PAFAH1B2: variants seen among roughly 807,000 people sequenced by gnomAD.
PAFAH1B2 encodes the protein platelet activating factor acetylhydrolase 1b catalytic subunit 2, also known as platelet-activating factor acetylhydrolase IB subunit alpha2.
PAFAH1B2 carries 8 observed loss-of-function variants against 28.0 expected under a neutral mutation model. The ratio of observed to expected loss-of-function variants is 0.29; its 90% CI spans 0.17 to 0.52. PAFAH1B2 has a LOEUF of 0.52. PAFAH1B2 is among the 20% of genes least tolerant of loss of function. The probability of loss-of-function intolerance (pLI) is 0.97; values close to 1 mark genes in which losing one functional copy is unlikely to be tolerated. For synonymous variants in PAFAH1B2, 104 were observed against 103.2 expected (o/e 1.01, Z -0.05); for missense variants, 190 against 282.6 (o/e 0.67, Z 2.35).
intron 1 of PAFAH1B2, among the ~76,000 whole-genome samples, chr11:117,145,371 A>G (rs1955976071): frequency 1.3e-5 from 2 of 152,154 alleles, no homozygotes; most frequent in East Asian, 1.9e-4. Context: ...GCTTACCCGT[A>G]GAGAAAGGAA....
chr11:117,160,003 C>T lies in PAFAH1B2; in HGVS notation c.151C>T (p.Gln51Ter). The change falls in exon 3 of 6, where the codon CAG becomes TAG. Residue 51 changes from glutamine to a stop codon, truncating the protein, a stop_gained. Transcript: ENST00000527958. LOFTEE classifies it high-confidence loss of function. ...ACTGTTCGTGGGAGACTCCATGGTG[C>T]AGTTAATGCAGCAATATGAGGTAAA... is the stretch of plus-strand genomic sequence containing the variant. ...DVLFVGDSMV[Q>*]LMQQYEIWRE... The T allele has an allele frequency of 6.2e-7, 1 of 1,612,562 alleles. No homozygotes were observed. The highest frequency in any genetic ancestry group is 8.5e-7 in the Non-Finnish European group (1 of 1,178,620).
Position 117,176,075 on chromosome 11 carries a change from G to T in PAFAH1B2, c.*1177G>T, listed in dbSNP as rs962565890. 26 of 751,358 alleles carry T rather than the reference G, an allele frequency of 3.5e-5. No homozygotes were observed. The African/African-American group carries it at 4.3e-4, about 12-fold the overall frequency. The allele number at this position is 751,358 out of a possible 1,614,324, so 46.5% of individuals were successfully genotyped here. On this transcript the variant is annotated 3_prime_UTR_variant, in exon 6 of 6. Coordinates refer to the PAFAH1B2 transcript ENST00000419197. The stretch of plus-strand genomic sequence containing the variant: ...CTCTGATTCATATTCGCCTAGATGT[G>T]CTGGAAACAGTACTGGACCAAGGTG...
intron 4 of PAFAH1B2, among the ~76,000 whole-genome samples, chr11:117,161,564 A>G (rs1042690067): frequency 6.7e-6 from 1 of 148,716 alleles, no homozygotes; most frequent in Non-Finnish European, 1.5e-5. Flanking sequence ...GCTAGAGTGC[A>G]GTGGTGTGAT....
intron 3 of PAFAH1B2, among the ~76,000 whole-genome samples, chr11:117,160,518 A>G (rs1332257317): frequency 1.3e-5 from 2 of 152,166 alleles, no homozygotes; most frequent in African/African-American, 2.4e-5. Flanking sequence ...GTCCCGCTCC[A>G]TCGTCGAGGC....
intron 5 of PAFAH1B2, among the ~76,000 whole-genome samples, chr11:117,166,464 TATC>T (rs1956513018): frequency 1.3e-5 from 2 of 152,250 alleles, no homozygotes; most frequent in Admixed American, 1.3e-4. Flanking sequence ...TAAATAGTAG[TATC>T]ATGGAAATGA....
rs185509439 is a variant in PAFAH1B2 at position 117,153,849 on chromosome 11, A to C, written c.81+1321A>C. ...ATAGTTATTAAAATCATGAGATGTAATATTGATATAATACTATTATTACTT... is the reference window on the plus strand; with the variant it reads ...ATAGTTATTAAAATCATGAGATGTACTATTGATATAATACTATTATTACTT... On this transcript the variant is annotated intron_variant, in intron 2 of 5. Coordinates refer to ENST00000527958, the MANE Select transcript of PAFAH1B2 (RefSeq NM_002572.4). 1.9e-3 allele frequency among the ~76,000 whole-genome samples: 288 copies of C among 152,176 alleles called. 1 individual carries two copies. The highest frequency in any genetic ancestry group is 3.7e-3 in the Non-Finnish European group (249 of 68,014).
In PAFAH1B2 at chr11:117,169,962, A is replaced by G. The variant is rs1042523760; in HGVS notation, c.*2263A>G. 30 of 1,052,848 alleles carry G rather than the reference A, an allele frequency of 2.8e-5. No individual in the cohort carries two copies. The highest frequency in any genetic ancestry group is 3.3e-5 in the African/African-American group (2 of 60,394). 65.2% of individuals were successfully genotyped at this position (1,052,848 alleles called of 1,614,324 possible). Reference sequence around the variant, plus strand: ...GAGCTGGCCCTCAGCTCCTTTGCTCATGTGTACAAACCTCAGATGTTACTA... The same window carrying G: ...GAGCTGGCCCTCAGCTCCTTTGCTCGTGTGTACAAACCTCAGATGTTACTA... On this transcript the variant is annotated 3_prime_UTR_variant, in exon 6 of 6. Coordinates refer to ENST00000527958, the MANE Select transcript of PAFAH1B2 (RefSeq NM_002572.4).
downstream of PAFAH1B2, among the ~76,000 whole-genome samples, chr11:117,172,392 ATATATATATATATTTTTTTTTTT>A: frequency 5.2e-4 from 1 of 1,924 alleles, no homozygotes; most frequent in Non-Finnish European, 1.1e-3. Flanking sequence ...ATATATATAT[ATATATATATATATTTTTTTTTTT>A]TTTTTTTTTT....
At chr11:117,155,804 T>A (rs540074686) in intron 2 of PAFAH1B2, among the ~76,000 whole-genome samples, 1 of 152,154 alleles carries the variant, frequency 6.6e-6, no homozygotes, top group East Asian at 1.9e-4. Flanking sequence ...AGAGGATTGC[T>A]TAAGCACAGG....
At chr11:117,176,000 C>T, downstream of PAFAH1B2, 2 of 1,289,482 alleles carry the variant, frequency 1.6e-6, no homozygotes, top group South Asian at 2.5e-5. Context: ...TGGCAGCTGA[C>T]TGCATGGAGG....
rs1202994801 is a variant in PAFAH1B2, at chr11:117,159,993, C to T, written c.141C>T (p.Asp47=). Residue 47 remains aspartate (D), a synonymous_variant, in exon 3 of 6, where the codon GAC becomes GAT. Transcript: ENST00000527958. ...AGCCTGATGTACTGTTCGTGGGAGA[C>T]TCCATGGTGCAGTTAATGCAGCAAT... ...DKEPDVLFVG[D]SMVQLMQQYE... The T allele has an allele frequency of 4.3e-6, 7 of 1,613,408 alleles. No homozygotes were observed. Among genetic ancestry groups the T allele is most frequent in the Non-Finnish European group, 5.9e-6 (7 of 1,179,506 alleles).
intron 1 of PAFAH1B2, among the ~76,000 whole-genome samples, chr11:117,149,459 C>T (rs1186450278): frequency 2.9e-5 from 1 of 35,010 alleles, no homozygotes; most frequent in African/African-American, 9.7e-5. Context: ...TGGAGTCTCG[C>T]TCTGTCCCCC....
chr11:117,169,772 C>G lies in PAFAH1B2; in HGVS notation c.*2073C>G, dbSNP rs373158698. 6.6e-6 allele frequency: 7 copies of G among 1,056,532 alleles called. No homozygotes were observed. The East Asian group carries it at 1.6e-4, about 24-fold the overall frequency. The allele number at this position is 1,056,532 out of a possible 1,614,324, so 65.4% of individuals were successfully genotyped here. A position where few individuals can be genotyped will look rare whatever the true frequency, so the allele number is the denominator to read the frequency against. The stretch of plus-strand genomic sequence containing the variant: ...TCTTAGCTGAGGTATAGTTGTATAG[C>G]AAGAAGAATTAAGCCAGATTTTTGT... On this transcript the variant is annotated 3_prime_UTR_variant, in exon 6 of 6. Transcript: ENST00000527958.
At chr11:117,155,175 G>A (rs568896144) in intron 2 of PAFAH1B2, among the ~76,000 whole-genome samples, 2 of 152,178 alleles carry the variant, frequency 1.3e-5, no homozygotes, top group South Asian at 2.1e-4. Flanking sequence ...AGCCGGTCTT[G>A]AACTCCTGAC....
chr11:117,171,850 TA>T, downstream of PAFAH1B2: 1 of 921,186 alleles, frequency 1.1e-6, no homozygotes, highest in Non-Finnish European at 1.6e-6. Context: ...ACTGTTGGAT[TA>T]AAATGATTTG....
At position 117,170,821 on chromosome 11, in the gene PAFAH1B2, C is replaced by T. The variant is rs916671051; in HGVS notation, c.*3122C>T. 24 of 1,059,372 alleles carry T rather than the reference C, an allele frequency of 2.3e-5. No individual in the cohort carries two copies. The highest frequency in any genetic ancestry group is 4.6e-5 in the South Asian group (1 of 21,912). 65.6% of individuals were successfully genotyped at this position (1,059,372 alleles called of 1,614,324 possible). On this transcript the variant is annotated 3_prime_UTR_variant, in exon 6 of 6. Transcript: ENST00000527958. ...AGGAGCATGTCCAAGCTCCTAAATCCGTGTGGGTGCATGTGGGAGAAGTGA... is the reference window on the plus strand; with the variant it reads ...AGGAGCATGTCCAAGCTCCTAAATCTGTGTGGGTGCATGTGGGAGAAGTGA...
At chr11:117,157,761 G>A (rs554344796) in intron 2 of PAFAH1B2, among the ~76,000 whole-genome samples, 20 of 152,020 alleles carry the variant, frequency 1.3e-4, no homozygotes, top group Admixed American at 5.2e-4. Flanking sequence ...CCCCATCTTT[G>A]GGAAAAAAAG....
At chr11:117,167,323 T>G (rs1956535060) in intron 5 of PAFAH1B2, 98 bp from the exon 6 acceptor site, 7 of 1,225,610 alleles carry the variant, frequency 5.7e-6, no homozygotes, top group Non-Finnish European at 7.8e-6. Flanking sequence ...GTGTAGAAAG[T>G]GCCAAATGGA....
At position 117,170,582 on chromosome 11, in the gene PAFAH1B2, A is replaced by C. The variant is rs940915060; in HGVS notation, c.*2883A>C. On this transcript the variant is annotated 3_prime_UTR_variant, in exon 6 of 6. Coordinates refer to ENST00000527958, the MANE Select transcript of PAFAH1B2 (RefSeq NM_002572.4). ...TCAGAAACCTTAACCCAACAAAACA[A>C]ATCTTGAGTAGCTCATGCCCGGCTC... The C allele has an allele frequency of 3.2e-4, 343 of 1,059,130 alleles. No individual in the cohort carries two copies. Among genetic ancestry groups the C allele is most frequent in the Non-Finnish European group, 3.9e-4 (339 of 875,968 alleles). 65.6% of individuals were successfully genotyped at this position (1,059,130 alleles called of 1,614,324 possible).
Sources: gnomAD v4.1 joint callset for allele counts (sites outside exome capture counted in the v4.1 genomes callset) on GRCh38, gnomAD v4.1.1 for gene constraint, MANE v1.5 for transcripts, NCBI Gene and HGNC (gene_info 2026-07-23, HGNC 2026-07-21) for gene names.